The following ULK4 variants were observed in gnomAD, a reference collection of about 807,000 sequenced individuals.
ULK4 encodes the protein inactive serine/threonine-protein kinase ULK4.
ULK4 carries 133 observed loss-of-function variants against 160.6 expected under a neutral mutation model. That is an observed-to-expected ratio of 0.83 (90% CI 0.72 to 0.96). The LOEUF (loss-of-function observed/expected upper bound fraction) is 0.96. Ranked by LOEUF, ULK4 falls within the 40% of genes least tolerant of loss-of-function variation. ULK4 has a pLI of 0.00. For synonymous variants in ULK4, 534 were observed against 539.8 expected, an observed-to-expected ratio of 0.99 and a Z score of 0.15; for missense variants, 1,580 against 1,499.5, an observed-to-expected ratio of 1.05 and a Z score of -0.89.
At chr3:41,499,541 A>G (rs1293807694) in intron 32 of ULK4, among the ~76,000 whole-genome samples, 1 of 152,204 alleles carries the variant, frequency 6.6e-6, no homozygotes, top group East Asian at 1.9e-4. Context: ...CAGCCTGGGT[A>G]TAACCCACTG....
intron 35 of ULK4, among the ~76,000 whole-genome samples, chr3:41,310,426 A>C (rs1334881741): frequency 6.6e-6 from 1 of 152,188 alleles, no homozygotes; most frequent in African/African-American, 2.4e-5. Context: ...TTTACCTTAC[A>C]ATCAATTTAT....
At chr3:41,451,241 C>T (rs1337039769) in intron 34 of ULK4, among the ~76,000 whole-genome samples, 1 of 151,786 alleles carries the variant, frequency 6.6e-6, no homozygotes, top group African/African-American at 2.4e-5. Context: ...AAGCAGGGAA[C>T]AAGAGGGGGC....
At chr3:41,622,320 A>G (rs2033285149) in intron 30 of ULK4, among the ~76,000 whole-genome samples, 1 of 152,198 alleles carries the variant, frequency 6.6e-6, no homozygotes, top group African/African-American at 2.4e-5. Flanking sequence ...CTGCAGCACT[A>G]TTTACAATAG....
intron 19 of ULK4, among the ~76,000 whole-genome samples, chr3:41,817,872 C>T (rs1575760796): frequency 1.3e-5 from 2 of 152,090 alleles, no homozygotes; most frequent in African/African-American, 4.8e-5. Context: ...TCTGAATAGA[C>T]ATTTCTCAAA....
chr3:41,953,304 A>ATATATTTT (rs1181182812), intron 2 of ULK4, among the ~76,000 whole-genome samples: 14 of 124,788 alleles, frequency 1.1e-4, no homozygotes, highest in African/African-American at 4.4e-4. Context: ...ATATATATAT[A>ATATATTTT]TTTTTTTTTT....
chr3:41,852,891 T>C (rs2042251047), intron 17 of ULK4, among the ~76,000 whole-genome samples: 1 of 152,122 alleles, frequency 6.6e-6, no homozygotes, highest in Non-Finnish European at 1.5e-5. Flanking sequence ...GCAAGAAATG[T>C]TGAGACCTTG....
At chr3:41,643,122 T>G (rs1695681696) in intron 30 of ULK4, among the ~76,000 whole-genome samples, 1 of 152,162 alleles carries the variant, frequency 6.6e-6, no homozygotes, top group Admixed American at 6.5e-5. Context: ...TTGTGAAAAT[T>G]TTCTCCCATT....
Position 41,378,212 on chromosome 3 carries a change from G to A in ULK4, c.3678+19867C>T, listed in dbSNP as rs559570574. Reference sequence around the variant, plus strand: ...ACACAGGAAGGGGAACATCACACTCGGGGGACTGTCGTGGGGTGGGGGGAG... The same window carrying A: ...ACACAGGAAGGGGAACATCACACTCAGGGGACTGTCGTGGGGTGGGGGGAG... On this transcript the variant is annotated intron_variant, in intron 35 of 36. Transcript: ENST00000301831. Among the ~76,000 whole-genome samples the A allele has an allele frequency of 5.1e-3, 684 of 133,110 alleles. 5 individuals are homozygous for A. The highest frequency in any genetic ancestry group is 0.017 in the African/African-American group (593 of 35,234). 87.3% of individuals were successfully genotyped at this position (133,110 alleles called of 152,430 possible).
intron 18 of ULK4, among the ~76,000 whole-genome samples, chr3:41,821,310 C>CA (rs1478584580): frequency 6.6e-6 from 1 of 151,878 alleles, no homozygotes; most frequent in Admixed American, 6.6e-5. Context: ...TACTTGGGAT[C>CA]AGCATCCTCA....
chr3:41,376,266 T>C (rs1263046154), intron 35 of ULK4, among the ~76,000 whole-genome samples: 1 of 150,230 alleles, frequency 6.7e-6, no homozygotes, highest in Admixed American at 6.6e-5. Flanking sequence ...AGCAATCCCT[T>C]TTCTGGGTAC....
chr3:41,362,586 T>C (rs974925737), intron 35 of ULK4, among the ~76,000 whole-genome samples: 1 of 152,204 alleles, frequency 6.6e-6, no homozygotes, highest in Non-Finnish European at 1.5e-5. Context: ...AGCCATCCTC[T>C]TATGCCTCAG....
chr3:41,607,694 A>C (rs1308245287), intron 31 of ULK4, among the ~76,000 whole-genome samples: 2 of 152,214 alleles, frequency 1.3e-5, no homozygotes, highest in African/African-American at 4.8e-5. Context: ...TTGGGGAGAA[A>C]TTTGAGCATC....
At chr3:41,426,433 C>G (rs1255168932) in intron 34 of ULK4, among the ~76,000 whole-genome samples, 6 of 152,158 alleles carry the variant, frequency 3.9e-5, no homozygotes. Context: ...TGACAGATAT[C>G]TACAGAACTC....
chr3:41,523,850 A>T (rs537861035), intron 32 of ULK4, among the ~76,000 whole-genome samples: 11 of 152,346 alleles, frequency 7.2e-5, no homozygotes, highest in Non-Finnish European at 2.9e-5. Context: ...AGCATTATTC[A>T]CAACAGCCAG....
chr3:41,767,044 A>G (rs1361362112), intron 21 of ULK4: 1 of 152,192 alleles, frequency 6.6e-6, no homozygotes, highest in Non-Finnish European at 1.5e-5. Context: ...TGTTGTTTCA[A>G]TGGTTTAAAA....
intron 34 of ULK4, among the ~76,000 whole-genome samples, chr3:41,450,630 T>C (rs950801880): frequency 6.6e-6 from 1 of 152,194 alleles, no homozygotes; most frequent in Admixed American, 6.5e-5. Flanking sequence ...AAACTGAAAG[T>C]GTGTTTATTT....
rs545942151 is a variant in ULK4 at position 41,321,857 on chromosome 3, C to T, written c.3679-72283G>A. Among the ~76,000 whole-genome samples, 424 of 143,720 alleles carry T rather than the reference C, an allele frequency of 3.0e-3. 47 individuals are homozygous for T. Among genetic ancestry groups the T allele is most frequent in the Non-Finnish European group, 4.5e-3 (297 of 66,326 alleles). 94.3% of individuals were successfully genotyped at this position (143,720 alleles called of 152,430 possible). A position where few individuals can be genotyped will look rare whatever the true frequency, so the allele number is the denominator to read the frequency against. ...AAGTGTTGGCAGGCCACTGTGCATG[C>T]GGACAGCCCACCCCAAGAGAAGAAT... On this transcript the variant is annotated intron_variant, in intron 35 of 36. Transcript: ENST00000301831.
intron 22 of ULK4, among the ~76,000 whole-genome samples, chr3:41,727,324 T>C (rs1013151706): frequency 2.4e-4 from 36 of 152,372 alleles, no homozygotes; most frequent in African/African-American, 8.4e-4. Context: ...TAAGTATTTT[T>C]CTAGTTGATG....
intron 17 of ULK4, among the ~76,000 whole-genome samples, chr3:41,874,791 A>T (rs1374154887): frequency 6.6e-6 from 1 of 152,200 alleles, no homozygotes; most frequent in Non-Finnish European, 1.5e-5. Context: ...AAAATCTCAG[A>T]CTTCACCATT....
Sources: gnomAD v4.1 joint callset for allele counts (sites outside exome capture counted in the v4.1 genomes callset) on GRCh38, gnomAD v4.1.1 for gene constraint, MANE v1.5 for transcripts, NCBI Gene and HGNC (gene_info 2026-07-23, HGNC 2026-07-21) for gene names.